CARMIL1: variants seen among roughly 807,000 people sequenced by gnomAD.
CARMIL1 encodes the protein capping protein regulator and myosin 1 linker 1, also known as F-actin-uncapping protein LRRC16A.
A neutral mutation model predicts 177.1 loss-of-function variants in CARMIL1; 90 were observed. The observed-to-expected ratio is 0.51, with a 90% confidence interval of 0.43 to 0.61. The LOEUF (loss-of-function observed/expected upper bound fraction) is 0.61, where lower values mean the gene tolerates loss of function less well. Ranked by LOEUF, CARMIL1 falls within the 20% of genes least tolerant of loss-of-function variation. The pLI is 0.00. For synonymous variants in CARMIL1, 577 were observed against 606.2 expected (o/e 0.95, Z 0.71); for missense variants, 1,380 against 1,667.0 (o/e 0.83, Z 3.00).
intron 15 of CARMIL1, among the ~76,000 whole-genome samples, chr6:25,492,326 A>G (rs1803320443): frequency 6.6e-6 from 1 of 152,224 alleles, no homozygotes; most frequent in African/African-American, 2.4e-5. Context: ...AAACTTTTAT[A>G]GGTATTTCTC....
chr6:25,365,430 G>T (rs1363410923), intron 2 of CARMIL1, among the ~76,000 whole-genome samples: 5 of 152,210 alleles, frequency 3.3e-5, no homozygotes, highest in Non-Finnish European at 7.4e-5. Context: ...AGCTGTCAGT[G>T]CACTGAGGGA....
At chr6:25,435,644 G>C (rs57541514) in intron 5 of CARMIL1, 40 bp downstream of exon 5, 2 of 1,529,292 alleles carry the variant, frequency 1.3e-6, no homozygotes, top group East Asian at 2.4e-5. Context: ...CAAAGAACCT[G>C]TTCTTCCTCA....
rs966974022 is a variant in CARMIL1, at chr6:25,515,615, G to A, written c.1633-60G>A. On this transcript the variant is annotated intron_variant, in intron 20 of 36. Coordinates refer to ENST00000329474, the MANE Select transcript of CARMIL1 (RefSeq NM_017640.6). The surrounding 1 kb of genome is among the most constrained non-coding windows in gnomAD (Gnocchi z 5.0). The stretch of plus-strand genomic sequence containing the variant: ...CCTCTCATTCTCCACGAAATGCGTC[G>A]TGGAGAGTGGGTGCTGCTTTGATGA... The A allele has an allele frequency of 2.0e-5, 30 of 1,485,876 alleles. No homozygotes were observed. In the African/African-American group the frequency reaches 2.2e-4, roughly 11 times the overall value. The allele number at this position is 1,485,876 out of a possible 1,614,324, so 92.0% of individuals were successfully genotyped here.
At chr6:25,413,702 G>T (rs1158303917) in intron 2 of CARMIL1, among the ~76,000 whole-genome samples, 2 of 152,182 alleles carry the variant, frequency 1.3e-5, no homozygotes, top group African/African-American at 4.8e-5. Context: ...GCATGTTAAG[G>T]CTGCAGTGGA....
chr6:25,291,432 CTA>C (rs1356868107), intron 2 of CARMIL1, among the ~76,000 whole-genome samples: 2 of 152,128 alleles, frequency 1.3e-5, no homozygotes, highest in African/African-American at 2.4e-5. Context: ...AATATGGAAA[CTA>C]TTGTTCTTTT....
At chr6:25,362,522 A>G (rs1430401439) in intron 2 of CARMIL1, among the ~76,000 whole-genome samples, 2 of 152,132 alleles carry the variant, frequency 1.3e-5, no homozygotes, top group Non-Finnish European at 2.9e-5. Context: ...TAAAATTACA[A>G]AATTATCTGG....
chr6:25,565,369 G>T (rs1811463655), intron 29 of CARMIL1, among the ~76,000 whole-genome samples: 1 of 152,180 alleles, frequency 6.6e-6, no homozygotes, highest in South Asian at 2.1e-4. Context: ...TACTCACAAG[G>T]CCCTGGTTGT....
chr6:25,294,458 A>G (rs941083392), intron 2 of CARMIL1, among the ~76,000 whole-genome samples: 2 of 152,158 alleles, frequency 1.3e-5, no homozygotes, highest in African/African-American at 4.8e-5. Flanking sequence ...ACCTAGGAGA[A>G]GTTTCTTCTG....
At chr6:25,367,179 C>T (rs1007661767) in intron 2 of CARMIL1, among the ~76,000 whole-genome samples, 11 of 152,136 alleles carry the variant, frequency 7.2e-5, no homozygotes, top group Non-Finnish European at 7.3e-5. Context: ...TTTAGTGCTG[C>T]ATAACATTTA....
chr6:25,572,052 A>G (rs551062254), intron 29 of CARMIL1, among the ~76,000 whole-genome samples: 57 of 152,316 alleles, frequency 3.7e-4, no homozygotes, highest in Admixed American at 8.5e-4. Context: ...ATATTATGCA[A>G]TTGCTGTTAA....
intron 22 of CARMIL1, among the ~76,000 whole-genome samples, chr6:25,519,878 A>T (rs190462676): frequency 2.6e-5 from 4 of 152,336 alleles, no homozygotes. Flanking sequence ...TCTATTGGTT[A>T]CTAAAACCCA....
chr6:25,560,530 G>A (rs992497320), intron 29 of CARMIL1, among the ~76,000 whole-genome samples: 3 of 152,116 alleles, frequency 2.0e-5, no homozygotes, highest in Non-Finnish European at 2.9e-5. Context: ...CTTTGTGACT[G>A]TTAACCAGTT....
At chr6:25,459,835 A>G (rs1177389656) in intron 8 of CARMIL1, among the ~76,000 whole-genome samples, 1 of 152,226 alleles carries the variant, frequency 6.6e-6, no homozygotes, top group African/African-American at 2.4e-5. Flanking sequence ...CAATGTTGCC[A>G]TGTTGCCAGG....
intron 29 of CARMIL1, among the ~76,000 whole-genome samples, chr6:25,580,137 T>C (rs1812993916): frequency 6.6e-6 from 1 of 152,218 alleles, no homozygotes; most frequent in African/African-American, 2.4e-5. Flanking sequence ...TCTGACACCA[T>C]GAATGTTAGC....
At chr6:25,391,925 T>G (rs1221972938) in intron 2 of CARMIL1, among the ~76,000 whole-genome samples, 4 of 152,346 alleles carry the variant, frequency 2.6e-5, no homozygotes, top group Non-Finnish European at 5.9e-5. Flanking sequence ...TGCCACATTC[T>G]TCTTCCAAAC....
Position 25,435,614 on chromosome 6 carries a change from C to A in CARMIL1, c.371+10C>A. 2 of 1,574,264 alleles carry A rather than the reference C, an allele frequency of 1.3e-6. No homozygotes were observed. The highest frequency in any genetic ancestry group is 1.7e-6 in the Non-Finnish European group (2 of 1,158,986). ...CTGGCCTCTCTCCAGTGTGAGTTTC[C>A]CTGGGCAGGGTGAGGAGAGCAAAGA... On this transcript the variant is annotated intron_variant, in intron 5 of 36. Coordinates refer to ENST00000329474, the MANE Select transcript of CARMIL1 (RefSeq NM_017640.6).
At chr6:25,444,106 C>G (rs1354721419) in intron 5 of CARMIL1, among the ~76,000 whole-genome samples, 1 of 152,098 alleles carries the variant, frequency 6.6e-6, no homozygotes. Flanking sequence ...CCTGGACTTA[C>G]AATTTCTTAA....
In CARMIL1 at chr6:25,472,514, G is replaced by T. The variant is rs1582069948; in HGVS notation, c.867G>T (p.Glu289Asp). The part of the protein sequence containing the change: ...HTINLAGNPL[E>D]DRGVSSLSIQ... ...TTAACCTTGCTGGCAACCCACTGGA[G>T]GATAGAGGTACTGCAGAGTTCTCAT... is the stretch of plus-strand genomic sequence containing the variant. Residue 289 changes from glutamate to aspartate, a missense_variant, in exon 11 of 37, where the codon GAG becomes GAT. Physicochemically the swap from Glu to Asp is conservative, Grantham distance 45 (BLOSUM62 2). Transcript: ENST00000329474. 6.4e-7 allele frequency: 1 copy of T among 1,572,208 alleles called. No homozygotes were observed. The highest frequency in any genetic ancestry group is 2.3e-5 in the East Asian group (1 of 42,918).
chr6:25,542,962 T>G (rs1033773927), intron 26 of CARMIL1, among the ~76,000 whole-genome samples: 5 of 152,226 alleles, frequency 3.3e-5, no homozygotes, highest in Non-Finnish European at 7.4e-5. Flanking sequence ...AATTTTCCTT[T>G]TTCTGTTTCC....
Sources: allele counts gnomAD v4.1 joint callset (sites outside exome capture counted in the v4.1 genomes callset), GRCh38; gene constraint gnomAD v4.1.1; non-coding constraint Gnocchi (gnomAD v3.1); transcripts MANE v1.5; gene names NCBI Gene and HGNC (gene_info 2026-07-23, HGNC 2026-07-21).